The following SLC44A5 variants were observed in gnomAD, a reference collection of about 807,000 sequenced individuals.
SLC44A5 encodes solute carrier family 44 member 5.
In SLC44A5, 57 loss-of-function variants were observed where a neutral mutation model predicts 101.8. That is an observed-to-expected ratio of 0.56 (90% CI 0.45 to 0.70). The LOEUF is 0.70. SLC44A5 is among the 30% of genes least tolerant of loss of function. SLC44A5 has a pLI of 0.00. For missense variants in SLC44A5, 737 were observed against 853.1 expected (o/e 0.86, Z 1.70); for synonymous variants, 281 against 290.9 (o/e 0.97, Z 0.35).
intron 9 of SLC44A5, among the ~76,000 whole-genome samples, chr1:75,241,424 C>T (rs1371224330): frequency 6.6e-6 from 1 of 151,844 alleles, no homozygotes; most frequent in Non-Finnish European, 1.5e-5. Context: ...GACAGGGTTT[C>T]ACTATGTTGC....
chr1:75,295,177 A>G (rs888352698), intron 5 of SLC44A5, among the ~76,000 whole-genome samples: 4 of 151,268 alleles, frequency 2.6e-5, no homozygotes, highest in African/African-American at 9.7e-5. Context: ...TGTGTCAATC[A>G]TAGCTCATAA....
At chr1:75,580,253 C>G (rs1190134243) in intron 1 of SLC44A5, among the ~76,000 whole-genome samples, 1 of 151,816 alleles carries the variant, frequency 6.6e-6, no homozygotes, top group East Asian at 1.9e-4. Flanking sequence ...AATAAAAAAG[C>G]AAAACTTTAA....
chr1:75,502,455 T>G (rs572670231), intron 2 of SLC44A5, among the ~76,000 whole-genome samples: 4 of 152,330 alleles, frequency 2.6e-5, no homozygotes, highest in Non-Finnish European at 4.4e-5. Context: ...AAGAAATTAG[T>G]CATTTACAGT....
the SLC44A5 span, among the ~76,000 whole-genome samples, chr1:75,635,375 C>T: frequency 3.3e-5 from 5 of 151,950 alleles, no homozygotes; most frequent in African/African-American, 9.7e-5. Context: ...TTTATTGTGG[C>T]ACTATTCACA....
rs1570646113 is a variant in SLC44A5, at chr1:75,312,550, CCTT to C, written c.102-11868_102-11866del. Among the ~76,000 whole-genome samples the C allele has an allele frequency of 4.6e-5, 7 of 152,052 alleles. No individual in the cohort carries two copies. In the South Asian group the frequency reaches 1.5e-3, roughly 32 times the overall value. ...AGAAGCGAGTTTGGTTCTTTCCTGT[CCTT>C]CTTCTGTGGCATATGTGATGCCTTC... On this transcript the variant is annotated intron_variant, in intron 4 of 23. Coordinates refer to ENST00000370859, the MANE Select transcript of SLC44A5 (RefSeq NM_001130058.2).
chr1:75,231,895 G>T (rs116382615), intron 12 of SLC44A5, among the ~76,000 whole-genome samples: 219 of 152,180 alleles, frequency 1.4e-3, no homozygotes, highest in African/African-American at 5.2e-3. Flanking sequence ...ATAAACACTT[G>T]CCCACAAACA....
At chr1:75,577,756 C>G (rs1001893847) in intron 1 of SLC44A5, among the ~76,000 whole-genome samples, 7 of 152,062 alleles carry the variant, frequency 4.6e-5, no homozygotes, top group African/African-American at 9.7e-5. Flanking sequence ...TGTTTGATTC[C>G]TCATTGTATA....
intron 9 of SLC44A5, among the ~76,000 whole-genome samples, chr1:75,241,361 T>G (rs1648614150): frequency 6.6e-6 from 1 of 151,898 alleles, no homozygotes; most frequent in Non-Finnish European, 1.5e-5. Flanking sequence ...GTAGCTGGGA[T>G]TACAAGTGCA....
chr1:75,237,098 T>C lies in SLC44A5; in HGVS notation c.657-28A>G, dbSNP rs147873115. On this transcript the variant is annotated intron_variant, in intron 10 of 23. Coordinates refer to ENST00000370859, the MANE Select transcript of SLC44A5 (RefSeq NM_001130058.2). ...GCATTGAAAGAAGGGAAAAAATCAATTATTTTTTGATGACCACTAAACAGA... is the reference window on the plus strand; with the variant it reads ...GCATTGAAAGAAGGGAAAAAATCAACTATTTTTTGATGACCACTAAACAGA... 553 of 1,419,182 alleles carry C rather than the reference T, an allele frequency of 3.9e-4. 1 individual carries two copies. Among genetic ancestry groups the C allele is most frequent in the South Asian group, 1.4e-3 (120 of 84,116 alleles). The allele number at this position is 1,419,182 out of a possible 1,614,324, so 87.9% of individuals were successfully genotyped here.
chr1:75,580,134 T>C (rs1462500033), intron 1 of SLC44A5, among the ~76,000 whole-genome samples: 2 of 151,358 alleles, frequency 1.3e-5, no homozygotes, highest in African/African-American at 4.9e-5. Context: ...AAATAAAAAA[T>C]AAAAAAAGAC....
rs181789043 is a variant in SLC44A5 at position 75,518,966 on chromosome 1, A to T, written c.13+22469T>A. Among the ~76,000 whole-genome samples the T allele has an allele frequency of 9.2e-5, 14 of 152,326 alleles. No individual in the cohort carries two copies. The East Asian group carries it at 2.1e-3, about 23-fold the overall frequency. On this transcript the variant is annotated intron_variant, in intron 2 of 23. Coordinates refer to ENST00000370859, the MANE Select transcript of SLC44A5 (RefSeq NM_001130058.2). ...TCTGTATATACATTCAAAAGCACTG[A>T]ACTGCATACTTTAAATGGGAGAATT...
At chr1:75,552,756 T>G (rs1486201329) in intron 1 of SLC44A5, among the ~76,000 whole-genome samples, 1 of 152,066 alleles carries the variant, frequency 6.6e-6, no homozygotes, top group Non-Finnish European at 1.5e-5. Flanking sequence ...ATGACACTCT[T>G]CAACACTGAT....
intron 2 of SLC44A5, among the ~76,000 whole-genome samples, chr1:75,540,308 C>T (rs1010851125): frequency 1.3e-5 from 2 of 152,106 alleles, no homozygotes; most frequent in East Asian, 1.9e-4. Flanking sequence ...CTGCTATAGG[C>T]GAGAGTATGT....
chr1:75,693,486 C>T, the SLC44A5 span, among the ~76,000 whole-genome samples: 1 of 152,156 alleles, frequency 6.6e-6, no homozygotes, highest in Non-Finnish European at 1.5e-5. Context: ...TCCCCTACCC[C>T]ATAGAAGATA....
At chr1:75,716,563 T>C in the SLC44A5 span, among the ~76,000 whole-genome samples, 1 of 152,214 alleles carries the variant, frequency 6.6e-6, no homozygotes, top group East Asian at 1.9e-4. Flanking sequence ...AATGTGGCGA[T>C]TTCTCAAAGA....
intron 2 of SLC44A5, among the ~76,000 whole-genome samples, chr1:75,487,420 A>T (rs1668210987): frequency 6.6e-6 from 1 of 152,196 alleles, no homozygotes; most frequent in African/African-American, 2.4e-5. Flanking sequence ...AGTAGCTCCG[A>T]GACAAGATAG....
intron 3 of SLC44A5, among the ~76,000 whole-genome samples, chr1:75,388,219 T>TAAATAAATAAAA (rs1661522510): frequency 1.9e-5 from 2 of 108,078 alleles, no homozygotes; most frequent in African/African-American, 3.6e-5. Flanking sequence ...AATAAATAAA[T>TAAATAAATAAAA]AAATAAATAA....
the SLC44A5 span, among the ~76,000 whole-genome samples, chr1:75,630,667 C>T: frequency 1.3e-5 from 2 of 152,196 alleles, no homozygotes. Context: ...GAAAAGACAA[C>T]TTGGCTTCTA....
At chr1:75,472,849 C>T (rs1017214843) in intron 2 of SLC44A5, among the ~76,000 whole-genome samples, 5 of 152,096 alleles carry the variant, frequency 3.3e-5, no homozygotes, top group Admixed American at 6.5e-5. Flanking sequence ...TGCAGACCAC[C>T]GTGTCCTCTA....
Sources: allele counts gnomAD v4.1 joint callset (sites outside exome capture counted in the v4.1 genomes callset), GRCh38; gene constraint gnomAD v4.1.1; transcripts MANE v1.5; gene names NCBI Gene and HGNC (gene_info 2026-07-23, HGNC 2026-07-21).